CD46: variants seen among roughly 807,000 people sequenced by gnomAD.
CD46 encodes the protein membrane cofactor protein.
Under a neutral mutation model 53.3 loss-of-function variants are expected in CD46, and 30 were observed. The ratio of observed to expected loss-of-function variants is 0.56; its 90% CI spans 0.42 to 0.76. CD46 has a LOEUF of 0.76. Ranked by LOEUF, CD46 falls within the 30% of genes least tolerant of loss-of-function variation. The pLI is 0.00. For missense variants in CD46, 409 were observed against 463.0 expected (o/e 0.88, Z 1.07); for synonymous variants, 142 against 152.0 (o/e 0.93, Z 0.48).
chr1:207,787,390 C>T (rs768996779), intron 11 of CD46, among the ~76,000 whole-genome samples: 14 of 152,192 alleles, frequency 9.2e-5, no homozygotes, highest in Non-Finnish European at 1.8e-4. Context: ...TCTTTTAAAG[C>T]TCAACAGTTA....
intron 8 of CD46, among the ~76,000 whole-genome samples, chr1:207,779,969 ACTTC>A (rs141765664): frequency 0.049 from 6,297 of 128,228 alleles, 194 homozygotes; most frequent in Non-Finnish European, 0.073. Context: ...TGCCGGGAAC[ACTTC>A]CTTTTCAGAA....
Position 207,784,749 on chromosome 1 carries a change from G to C in CD46, c.983-322G>C, listed in dbSNP as rs11806810. 0.087 allele frequency among the ~76,000 whole-genome samples: 13,298 copies of C among 152,182 alleles called. 607 individuals carry two copies. Among genetic ancestry groups the C allele is most frequent in the Middle Eastern group, 0.14 (41 of 294 alleles). The stretch of plus-strand genomic sequence containing the variant: ...AGGAAACTTATAATCATGGAGGAAG[G>C]GGAAGCAAACACATTCTTCTTCACA... On this transcript the variant is annotated intron_variant, in intron 9 of 12. Transcript: ENST00000367042.
Position 207,787,844 on chromosome 1 carries a change from G to A in CD46, c.1082+2162G>A, listed in dbSNP as rs918968309. On this transcript the variant is annotated intron_variant, in intron 11 of 12. Transcript: ENST00000367042. ...ATTTTGATAGCTGAACTGAATGTGA[G>A]GGTGGTTTATCTTTCTTCTTCAGAG... Among the ~76,000 whole-genome samples, 5 of 152,158 alleles carry A rather than the reference G, an allele frequency of 3.3e-5. No individual in the cohort carries two copies. The South Asian group carries it at 8.3e-4, about 25-fold the overall frequency.
At chr1:207,783,424 G>T (rs1658976453) in intron 9 of CD46, 94 bp downstream of exon 9, 1 of 776,074 alleles carries the variant, frequency 1.3e-6, no homozygotes, top group Admixed American at 1.8e-5. Context: ...TAGGATCCTT[G>T]GTAGGGTAAG....
rs1660010926 is a variant in CD46, at chr1:207,793,693, T to C, written c.*216T>C. The C allele has an allele frequency of 2.1e-6, 2 of 940,074 alleles. No homozygotes were observed. Among genetic ancestry groups the C allele is most frequent in the Non-Finnish European group, 3.5e-6 (2 of 579,458 alleles). 58.2% of individuals were successfully genotyped at this position (940,074 alleles called of 1,614,324 possible). A position where few individuals can be genotyped will look rare whatever the true frequency, so the allele number is the denominator to read the frequency against. ...CACTCTCATGAGTGCAACTGTGGCT[T>C]AGCTAATATTGCAATGTGGCTTGAA... is the stretch of plus-strand genomic sequence containing the variant. On this transcript the variant is annotated 3_prime_UTR_variant, in exon 13 of 13. Transcript: ENST00000367042.
chr1:207,781,542 G>T (rs1658735874), intron 8 of CD46, among the ~76,000 whole-genome samples: 1 of 152,066 alleles, frequency 6.6e-6, no homozygotes, highest in Admixed American at 6.6e-5. Flanking sequence ...GTTTTCTTCT[G>T]AGAGTTTTAT....
In CD46 at chr1:207,782,640, C is replaced by CTTTTTT. The variant is rs35546891; in HGVS notation, c.944-631_944-626dup. Among the ~76,000 whole-genome samples the CTTTTTT allele has an allele frequency of 1.9e-3, 121 of 62,652 alleles. 11 individuals are homozygous for CTTTTTT. Among genetic ancestry groups the CTTTTTT allele is most frequent in the African/African-American group, 7.7e-3 (110 of 14,280 alleles). The allele number at this position is 62,652 out of a possible 152,430, so 41.1% of individuals were successfully genotyped here. ...AAAGCATTTATTTTTATTAATCCCT[C>CTTTTTT]TTTTTTTTTTTTTTTTTTTTTTTTT... On this transcript the variant is annotated intron_variant, in intron 8 of 12. Transcript: ENST00000367042.
At chr1:207,784,596 AT>A (rs869061467) in intron 9 of CD46, among the ~76,000 whole-genome samples, 1 of 151,774 alleles carries the variant, frequency 6.6e-6, no homozygotes, top group South Asian at 2.1e-4. Context: ...TATATAAAAA[AT>A]TTTTTTTTCC....
intron 8 of CD46, among the ~76,000 whole-genome samples, chr1:207,775,891 C>T (rs930123422): frequency 1.3e-5 from 2 of 152,232 alleles, no homozygotes; most frequent in African/African-American, 4.8e-5. Flanking sequence ...AGCACCACTG[C>T]TCTCTTCAGA....
At chr1:207,783,611 G>A (rs572714811) in intron 9 of CD46, 23 of 262,046 alleles carry the variant, frequency 8.8e-5, no homozygotes, top group African/African-American at 4.2e-4. Context: ...TCTGTAACAC[G>A]CTGATTTAAC....
intron 12 of CD46, among the ~76,000 whole-genome samples, chr1:207,791,618 A>AT (rs1659807825): frequency 6.6e-6 from 1 of 152,186 alleles, no homozygotes; most frequent in African/African-American, 2.4e-5. Context: ...TAGTTCTGTA[A>AT]TTTTCCATTT....
chr1:207,767,232 T>C, intron 6 of CD46, 37 bp downstream of exon 6: 15 of 1,540,962 alleles, frequency 9.7e-6, no homozygotes, highest in African/African-American at 1.4e-5. Flanking sequence ...TGGTTTGTTA[T>C]TGTTGTTGCT....
intron 1 of CD46, among the ~76,000 whole-genome samples, chr1:207,754,820 G>A (rs1222275199): frequency 6.6e-6 from 1 of 151,272 alleles, no homozygotes; most frequent in East Asian, 1.9e-4. Context: ...GGTAATGGGA[G>A]TAGGGAGTAG....
In CD46 at chr1:207,757,055, A is replaced by G. The variant is rs1655625604; in HGVS notation, c.139A>G (p.Ile47Val). Residue 47 changes from isoleucine (I) to valine (V), a missense_variant, in exon 2 of 13, where the codon ATT (isoleucine) becomes GTT (valine). Ile to Val is a conservative substitution (Grantham distance 29, BLOSUM62 3). Transcript: ENST00000367042. ...EPPTFEAMEL[I>V]GKPKPYYEIG... ...ACCAACATTTGAAGCTATGGAGCTCATTGGTAAACCAAAACCCTACTATGA... is the reference window on the plus strand; with the variant it reads ...ACCAACATTTGAAGCTATGGAGCTCGTTGGTAAACCAAAACCCTACTATGA... 2 of 1,614,148 alleles carry G rather than the reference A, an allele frequency of 1.2e-6. No homozygotes were observed. The highest frequency in any genetic ancestry group is 1.7e-6 in the Non-Finnish European group (2 of 1,179,982).
intron 8 of CD46, 50 bp from the exon 9 acceptor site, chr1:207,783,242 A>G (rs1658950783): frequency 2.7e-4 from 242 of 904,792 alleles, no homozygotes; most frequent in Non-Finnish European, 3.7e-4. Flanking sequence ...TTTATATTTA[A>G]TTCTTTCCTT....
At chr1:207,753,996 A>G (rs905955425) in intron 1 of CD46, among the ~76,000 whole-genome samples, 6 of 152,236 alleles carry the variant, frequency 3.9e-5, no homozygotes, top group Admixed American at 3.9e-4. Context: ...TCATGCAGGA[A>G]GATAAGCAGG....
rs1281918549 is a variant in CD46 at position 207,752,437 on chromosome 1, G to C, written c.97+128G>C. 2.3e-6 allele frequency: 2 copies of C among 875,274 alleles called. No individual in the cohort carries two copies. The highest frequency in any genetic ancestry group is 1.3e-5 in the South Asian group (1 of 76,088). 54.2% of individuals were successfully genotyped at this position (875,274 alleles called of 1,614,324 possible). ...GGGACAGGGTTCTCTGAGGGGTGCAGTGCTCAGATCCCGGGGGTATGTGGC... is the reference window on the plus strand; with the variant it reads ...GGGACAGGGTTCTCTGAGGGGTGCACTGCTCAGATCCCGGGGGTATGTGGC... On this transcript the variant is annotated intron_variant, in intron 1 of 12. Coordinates refer to ENST00000367042, the MANE Select transcript of CD46 (RefSeq NM_172351.3). The surrounding 1 kb of genome is among the most constrained non-coding windows in gnomAD (Gnocchi z 4.1).
At chr1:207,764,554 C>A (rs952198686) in intron 5 of CD46, among the ~76,000 whole-genome samples, 4 of 152,134 alleles carry the variant, frequency 2.6e-5, no homozygotes, top group East Asian at 1.9e-4. Flanking sequence ...TATGGTCATT[C>A]TTTAATATCA....
rs371729129 is a variant in CD46, at chr1:207,757,219, CT to C, written c.286+27del. 589 of 1,468,988 alleles carry C rather than the reference CT, an allele frequency of 4.0e-4. No individual in the cohort carries two copies. The highest frequency in any genetic ancestry group is 4.6e-4 in the Non-Finnish European group (493 of 1,076,292). 91.0% of individuals were successfully genotyped at this position (1,468,988 alleles called of 1,614,324 possible). A position where few individuals can be genotyped will look rare whatever the true frequency, so the allele number is the denominator to read the frequency against. ...CCTGTTATAGTAAGTAAACAAACCT[CT>C]TTTTTTTTTCTGCTTGCTCTAGAGA... On this transcript the variant is annotated intron_variant, in intron 2 of 12. Coordinates refer to ENST00000367042, the MANE Select transcript of CD46 (RefSeq NM_172351.3).
Sources: allele counts gnomAD v4.1 joint callset (sites outside exome capture counted in the v4.1 genomes callset), GRCh38; gene constraint gnomAD v4.1.1; non-coding constraint Gnocchi (gnomAD v3.1); transcripts MANE v1.5; gene names NCBI Gene and HGNC (gene_info 2026-07-23, HGNC 2026-07-21).